ROBO1: variants seen among roughly 807,000 people sequenced by gnomAD.
The protein encoded by ROBO1 is roundabout guidance receptor 1.
Under a neutral mutation model 195.9 loss-of-function variants are expected in ROBO1, and 149 were observed. The ratio of observed to expected loss-of-function variants is 0.76; its 90% confidence interval spans 0.67 to 0.87. ROBO1 has a LOEUF of 0.87. ROBO1 is among the 40% of genes least tolerant of loss of function. The pLI, the probability that ROBO1 is intolerant of heterozygous loss-of-function variation, is 0.00. For missense variants in ROBO1, 1,933 were observed against 2,068.3 expected, an observed-to-expected ratio of 0.93 and a Z score of 1.27; for synonymous variants, 816 against 733.2, an observed-to-expected ratio of 1.11 and a Z score of -1.82.
chr3:79,021,805 C>T (rs1188647647), intron 3 of ROBO1, among the ~76,000 whole-genome samples: 2 of 151,976 alleles, frequency 1.3e-5, no homozygotes, highest in African/African-American at 2.4e-5. Context: ...GGACTACAGG[C>T]GCCCGCCACC....
chr3:79,135,093 T>A (rs938124084), intron 2 of ROBO1, among the ~76,000 whole-genome samples: 2 of 151,994 alleles, frequency 1.3e-5, no homozygotes, highest in African/African-American at 2.4e-5. Flanking sequence ...AAGACTATAA[T>A]ACGTTCTTAT....
At chr3:78,693,389 A>G in intron 8 of ROBO1, 1 of 1,418,268 alleles carries the variant, frequency 7.1e-7, no homozygotes, top group Non-Finnish European at 9.7e-7. Flanking sequence ...AACATGGAAT[A>G]AATAAAAATA....
intron 2 of ROBO1, among the ~76,000 whole-genome samples, chr3:79,282,437 A>G (rs1223470094): frequency 6.6e-6 from 1 of 152,228 alleles, no homozygotes; most frequent in Non-Finnish European, 1.5e-5. Context: ...ATGATGGGAA[A>G]CAATGAGAAC....
rs966081513 is a variant in ROBO1, at chr3:79,432,276, C to T, written c.88+157548G>A. Among the ~76,000 whole-genome samples the T allele has an allele frequency of 1.3e-4, 19 of 151,858 alleles. 1 individual carries two copies. The highest frequency in any genetic ancestry group is 6.6e-5 in the Admixed American group (1 of 15,204). ...CAATGTAATGAGTTATATTTCTTGC[C>T]CAAACTGCAAACAGACACCTCATAT... On this transcript the variant is annotated intron_variant, in intron 2 of 30. Coordinates refer to ENST00000464233, the MANE Select transcript of ROBO1 (RefSeq NM_002941.4).
intron 2 of ROBO1, among the ~76,000 whole-genome samples, chr3:79,189,517 A>G (rs1027262102): frequency 6.6e-6 from 1 of 151,734 alleles, no homozygotes; most frequent in Non-Finnish European, 1.5e-5. Context: ...GTATTTCTGC[A>G]TAGCTATAAA....
intron 2 of ROBO1, among the ~76,000 whole-genome samples, chr3:79,129,106 G>A (rs1233822349): frequency 6.6e-6 from 1 of 152,138 alleles, no homozygotes; most frequent in Non-Finnish European, 1.5e-5. Flanking sequence ...TCAACTTCAT[G>A]TAAATTCAAA....
At chr3:79,533,819 G>C (rs1349377417) in intron 2 of ROBO1, among the ~76,000 whole-genome samples, 2 of 152,036 alleles carry the variant, frequency 1.3e-5, no homozygotes, top group Non-Finnish European at 2.9e-5. Flanking sequence ...TGTAATAGAG[G>C]CTTTGCAATA....
chr3:78,862,193 C>T (rs944782002), intron 4 of ROBO1, among the ~76,000 whole-genome samples: 1 of 152,030 alleles, frequency 6.6e-6, no homozygotes, highest in East Asian at 1.9e-4. Context: ...GTCAGAGAGG[C>T]TCTAAGTGTG....
rs562964407 is a variant in ROBO1, at chr3:79,160,674, C to T, written c.89-35135G>A. On this transcript the variant is annotated intron_variant, in intron 2 of 30. Transcript: ENST00000464233. ...TCTAATATGTCATTCAACTAGTTGT[C>T]CAAAAAAACTGTGGTTTTATTTAGA... 2.6e-5 allele frequency among the ~76,000 whole-genome samples: 4 copies of T among 151,992 alleles called. No individual in the cohort carries two copies. The South Asian group carries it at 8.3e-4, about 32-fold the overall frequency.
At chr3:79,063,579 A>C (rs2078956764) in intron 3 of ROBO1, among the ~76,000 whole-genome samples, 1 of 151,626 alleles carries the variant, frequency 6.6e-6, no homozygotes, top group Admixed American at 6.6e-5. Flanking sequence ...TCCAATGGTA[A>C]ATTTCAGTCC....
At chr3:79,088,259 A>G (rs1177423356) in intron 3 of ROBO1, among the ~76,000 whole-genome samples, 3 of 152,116 alleles carry the variant, frequency 2.0e-5, no homozygotes, top group African/African-American at 4.8e-5. Context: ...AACATCCACT[A>G]TCTTGTTAAA....
At chr3:79,394,798 A>G (rs2106735809) in intron 2 of ROBO1, among the ~76,000 whole-genome samples, 1 of 152,296 alleles carries the variant, frequency 6.6e-6, no homozygotes, top group South Asian at 2.1e-4. Flanking sequence ...GTTAAAACAA[A>G]ATAAAATGTT....
chr3:78,623,049 A>G (rs1704547960), intron 26 of ROBO1, among the ~76,000 whole-genome samples: 1 of 152,210 alleles, frequency 6.6e-6, no homozygotes, highest in African/African-American at 2.4e-5. Context: ...TTAGGTCACT[A>G]CATTTTGGAG....
chr3:78,951,158 T>C (rs2040757261), intron 3 of ROBO1, among the ~76,000 whole-genome samples: 2 of 151,826 alleles, frequency 1.3e-5, no homozygotes, highest in African/African-American at 2.4e-5. Context: ...TGGAAGAGCA[T>C]ATATAAATCT....
intron 1 of ROBO1, among the ~76,000 whole-genome samples, chr3:79,724,361 TACC>T (rs1702822843): frequency 6.6e-6 from 1 of 152,230 alleles, no homozygotes; most frequent in Non-Finnish European, 1.5e-5. Context: ...CGTTTCTCAA[TACC>T]ACTGATATTC....
chr3:78,782,448 T>C (rs750681832), intron 4 of ROBO1, among the ~76,000 whole-genome samples: 44 of 152,044 alleles, frequency 2.9e-4, no homozygotes, highest in Non-Finnish European at 5.0e-4. Context: ...CCTCCCACCT[T>C]GGCCTCCCGA....
At chr3:79,278,965 C>T (rs1304579553) in intron 2 of ROBO1, among the ~76,000 whole-genome samples, 1 of 151,892 alleles carries the variant, frequency 6.6e-6, no homozygotes, top group Non-Finnish European at 1.5e-5. Context: ...TCCTAAGTAT[C>T]CAAGGAACTC....
chr3:79,149,565 T>G (rs2080724146), intron 2 of ROBO1, among the ~76,000 whole-genome samples: 1 of 151,620 alleles, frequency 6.6e-6, no homozygotes, highest in African/African-American at 2.4e-5. Context: ...CAGTATGTTT[T>G]TTGTTGAAAA....
chr3:79,757,123 T>C (rs1031324915), intron 1 of ROBO1, among the ~76,000 whole-genome samples: 3 of 152,332 alleles, frequency 2.0e-5, no homozygotes. Flanking sequence ...GTACAAACAT[T>C]GCTGTACAAA....
Sources: allele counts gnomAD v4.1 joint callset (sites outside exome capture counted in the v4.1 genomes callset), GRCh38; gene constraint gnomAD v4.1.1; transcripts MANE v1.5; gene names NCBI Gene and HGNC (gene_info 2026-07-23, HGNC 2026-07-21).